ADAMTS3: variants seen among roughly 807,000 people sequenced by gnomAD.
ADAMTS3 encodes ADAM metallopeptidase with thrombospondin type 1 motif 3, also known as A disintegrin and metalloproteinase with thrombospondin motifs 3.
Under a neutral mutation model 129.0 loss-of-function variants are expected in ADAMTS3, and 73 were observed. The ratio of observed to expected loss-of-function variants is 0.57; its 90% CI spans 0.47 to 0.69. The LOEUF (loss-of-function observed/expected upper bound fraction) is 0.69. Ranked by LOEUF, ADAMTS3 falls within the 30% of genes least tolerant of loss-of-function variation. The pLI, the probability that ADAMTS3 is intolerant of heterozygous loss-of-function variation, is 0.00. For missense variants in ADAMTS3, 1,457 were observed against 1,514.5 expected (o/e 0.96, Z 0.63); for synonymous variants, 477 against 510.8 (o/e 0.93, Z 0.89).
intron 3 of ADAMTS3, among the ~76,000 whole-genome samples, chr4:72,485,632 CAA>C (rs1719570123): frequency 6.6e-6 from 1 of 152,092 alleles, no homozygotes; most frequent in African/African-American, 2.4e-5. Flanking sequence ...TTTCAAAACA[CAA>C]ACTTTTCTTT....
intron 5 of ADAMTS3, among the ~76,000 whole-genome samples, chr4:72,323,551 T>A (rs1719620821): frequency 6.6e-6 from 1 of 152,042 alleles, no homozygotes; most frequent in South Asian, 2.1e-4. Context: ...AGAGAGCCAA[T>A]GGCTATGGGG....
intron 3 of ADAMTS3, among the ~76,000 whole-genome samples, chr4:72,441,337 G>T (rs1560516643): frequency 6.6e-6 from 1 of 151,700 alleles, no homozygotes; most frequent in Non-Finnish European, 1.5e-5. Flanking sequence ...TTTGTGAGAT[G>T]TCAGTTCAAT....
At chr4:72,541,269 T>C (rs557026833) in intron 3 of ADAMTS3, among the ~76,000 whole-genome samples, 1 of 152,320 alleles carries the variant, frequency 6.6e-6, no homozygotes, top group South Asian at 2.1e-4. Flanking sequence ...GCATGGGCCC[T>C]GTAGCCCCTT....
intron 4 of ADAMTS3, among the ~76,000 whole-genome samples, chr4:72,367,292 G>A (rs947592721): frequency 6.6e-6 from 1 of 151,934 alleles, no homozygotes; most frequent in African/African-American, 2.4e-5. Flanking sequence ...AACTGAATCT[G>A]GTTATCTAGC....
At chr4:72,368,702 A>T (rs1201908862) in intron 4 of ADAMTS3, among the ~76,000 whole-genome samples, 3 of 152,234 alleles carry the variant, frequency 2.0e-5, no homozygotes, top group East Asian at 3.8e-4. Context: ...TGCCAAAATG[A>T]CTTCAGAACA....
chr4:72,364,439 A>G (rs1053545984), intron 4 of ADAMTS3, among the ~76,000 whole-genome samples: 8 of 151,914 alleles, frequency 5.3e-5, no homozygotes, highest in Non-Finnish European at 1.0e-4. Context: ...ACATGGAGAA[A>G]CCCTGTCTCT....
At chr4:72,321,744 T>A (rs1001446747) in intron 6 of ADAMTS3, among the ~76,000 whole-genome samples, 2 of 152,124 alleles carry the variant, frequency 1.3e-5, no homozygotes, top group Non-Finnish European at 2.9e-5. Flanking sequence ...TGGAGAACCA[T>A]CAAATTATAT....
chr4:72,374,485 T>C lies in ADAMTS3; in HGVS notation c.662-34792A>G, dbSNP rs145052772. Among the ~76,000 whole-genome samples, 7 of 152,298 alleles carry C rather than the reference T, an allele frequency of 4.6e-5. No homozygotes were observed. The East Asian group carries it at 1.2e-3, about 25-fold the overall frequency. ...ATTATTTAAGAATCAGATAATTTTATGTGGCAAAAGGAAGAAGAAAGCTAT... is the reference window on the plus strand; with the variant it reads ...ATTATTTAAGAATCAGATAATTTTACGTGGCAAAAGGAAGAAGAAAGCTAT... On this transcript the variant is annotated intron_variant, in intron 4 of 21. Coordinates refer to ENST00000286657, the MANE Select transcript of ADAMTS3 (RefSeq NM_014243.3).
intron 4 of ADAMTS3, among the ~76,000 whole-genome samples, chr4:72,376,633 G>A (rs1348463629): frequency 3.3e-5 from 5 of 152,044 alleles, no homozygotes; most frequent in Non-Finnish European, 7.4e-5. Context: ...GCCTTTGTTG[G>A]GGCCTAAGAA....
At chr4:72,355,950 A>T (rs1332023225) in intron 4 of ADAMTS3, among the ~76,000 whole-genome samples, 8 of 152,006 alleles carry the variant, frequency 5.3e-5, no homozygotes, top group Non-Finnish European at 7.4e-5. Context: ...ACACTCCATG[A>T]TACTGCAGAC....
chr4:72,541,780 C>T (rs1721332384), intron 3 of ADAMTS3, among the ~76,000 whole-genome samples: 1 of 152,176 alleles, frequency 6.6e-6, no homozygotes, highest in African/African-American at 2.4e-5. Flanking sequence ...CCTTTGCCTT[C>T]CACCACGATT....
Position 72,283,156 on chromosome 4 carries a change from A to G in ADAMTS3, c.3598T>C (p.Ser1200Pro). The G allele has an allele frequency of 1.2e-6, 2 of 1,609,220 alleles. No individual in the cohort carries two copies. Among genetic ancestry groups the G allele is most frequent in the Middle Eastern group, 1.7e-4 (1 of 6,004 alleles). The part of the protein sequence containing the change: ...KIIDNRRPTR[S>P]STLER ...CTTTCTCATCTTTCTAAGGTGGATG[A>G]TCTTGTCGGACGTCTGTTGTCAATG... Residue 1200 changes from serine (S) to proline (P), a missense_variant, in exon 22 of 22, where the codon TCA (serine) becomes CCA (proline). Transcript: ENST00000286657.
At chr4:72,471,398 T>C (rs1176987923) in intron 3 of ADAMTS3, among the ~76,000 whole-genome samples, 2 of 152,076 alleles carry the variant, frequency 1.3e-5, no homozygotes, top group Admixed American at 6.6e-5. Context: ...GATTTTAATA[T>C]AACAGAGTAC....
chr4:72,319,374 T>C lies in ADAMTS3; in HGVS notation c.1310A>G (p.His437Arg). 6.2e-7 allele frequency: 1 copy of C among 1,613,932 alleles called. No homozygotes were observed. Among genetic ancestry groups the C allele is most frequent in the South Asian group, 1.1e-5 (1 of 91,072 alleles). Residue 437 changes from histidine (H) to arginine (R), a missense_variant, in exon 9 of 22, where the codon CAC (histidine) becomes CGC (arginine). His to Arg is a conservative substitution (Grantham distance 29, BLOSUM62 0). Transcript: ENST00000286657. The part of the protein sequence containing the change: ...PLVQAAFHRY[H>R]WSRCSGQELK... ...TTCTTGACCACTGCATCGGGACCAG[T>C]GGTAACGATGGAATGCTGCTTGTAC...
chr4:72,294,118 T>C (rs1718746804), intron 19 of ADAMTS3, among the ~76,000 whole-genome samples: 2 of 152,050 alleles, frequency 1.3e-5, no homozygotes. Context: ...TATTTAAAAG[T>C]TTGTGTCATT....
chr4:72,461,586 T>C (rs1718773127), intron 3 of ADAMTS3, among the ~76,000 whole-genome samples: 1 of 151,808 alleles, frequency 6.6e-6, no homozygotes, highest in African/African-American at 2.4e-5. Flanking sequence ...GCAGAGGGCA[T>C]GGCAGTAAAC....
At chr4:72,379,642 C>T (rs1721228308) in intron 4 of ADAMTS3, among the ~76,000 whole-genome samples, 1 of 151,932 alleles carries the variant, frequency 6.6e-6, no homozygotes, top group Non-Finnish European at 1.5e-5. Context: ...TTGCATATTC[C>T]AATTATTTAT....
intron 2 of ADAMTS3, among the ~76,000 whole-genome samples, chr4:72,561,403 G>A (rs1348590553): frequency 2.6e-5 from 4 of 152,064 alleles, no homozygotes; most frequent in South Asian, 2.1e-4. Flanking sequence ...TACTCGGGAG[G>A]CTGAGGCAGG....
chr4:72,535,844 A>G (rs1274500470), intron 3 of ADAMTS3, among the ~76,000 whole-genome samples: 1 of 152,312 alleles, frequency 6.6e-6, no homozygotes, highest in South Asian at 2.1e-4. Flanking sequence ...ACAACAGTAT[A>G]AACTATCTGA....
Sources: gnomAD v4.1 joint callset for allele counts (sites outside exome capture counted in the v4.1 genomes callset) on GRCh38, gnomAD v4.1.1 for gene constraint, MANE v1.5 for transcripts, NCBI Gene and HGNC (gene_info 2026-07-23, HGNC 2026-07-21) for gene names.